The following SLC13A3 variants were observed in gnomAD, a reference collection of about 807,000 sequenced individuals.
The protein encoded by SLC13A3 is Na(+)/dicarboxylate cotransporter 3.
In SLC13A3, 40 loss-of-function variants were observed where a neutral mutation model predicts 59.0. The ratio of observed to expected loss-of-function variants is 0.68; its 90% CI spans 0.53 to 0.88. SLC13A3 has a LOEUF of 0.88. SLC13A3 is among the 40% of genes least tolerant of loss of function. The probability of loss-of-function intolerance (pLI) is 0.00; values close to 1 mark genes in which losing one functional copy is unlikely to be tolerated. For missense variants in SLC13A3, 699 were observed against 783.2 expected, an observed-to-expected ratio of 0.89 and a Z score of 1.28; for synonymous variants, 317 against 330.3, an observed-to-expected ratio of 0.96 and a Z score of 0.44.
At chr20:46,604,606 G>A (rs1450860089) in intron 3 of SLC13A3, among the ~76,000 whole-genome samples, 1 of 152,108 alleles carries the variant, frequency 6.6e-6, no homozygotes, top group African/African-American at 2.4e-5. Context: ...GTACACCGTT[G>A]GTACCATGAG....
At chr20:46,675,255 A>G (rs536400833) in intron 1 of SLC13A3, among the ~76,000 whole-genome samples, 1 of 151,546 alleles carries the variant, frequency 6.6e-6, no homozygotes, top group African/African-American at 2.4e-5. Flanking sequence ...TAGGAGATGG[A>G]GTCTCACTCT....
chr20:46,668,636 C>T (rs2063074148), intron 1 of SLC13A3, among the ~76,000 whole-genome samples: 1 of 152,190 alleles, frequency 6.6e-6, no homozygotes, highest in African/African-American at 2.4e-5. Context: ...AAGCTAAGGT[C>T]ATTGATGAAG....
At chr20:46,630,355 A>G (rs1156553535) in intron 1 of SLC13A3, among the ~76,000 whole-genome samples, 1 of 152,204 alleles carries the variant, frequency 6.6e-6, no homozygotes, top group Non-Finnish European at 1.5e-5. Flanking sequence ...GTACTGTCAC[A>G]TACATCTCAG....
intron 8 of SLC13A3, chr20:46,584,381 A>C: frequency 1.0e-6 from 1 of 985,402 alleles, no homozygotes; most frequent in East Asian, 1.1e-4. Context: ...GACACAATTC[A>C]ATAAGGAATT....
chr20:46,590,515 C>T (rs1421325483), intron 6 of SLC13A3, among the ~76,000 whole-genome samples: 1 of 152,034 alleles, frequency 6.6e-6, no homozygotes, highest in Non-Finnish European at 1.5e-5. Context: ...AAAATATGAA[C>T]ACACAGTTTC....
intron 1 of SLC13A3, among the ~76,000 whole-genome samples, chr20:46,646,636 C>G (rs1445815277): frequency 6.6e-6 from 1 of 152,174 alleles, no homozygotes; most frequent in Non-Finnish European, 1.5e-5. Flanking sequence ...CAGGTTTTCT[C>G]AACTCTAAAG....
At chr20:46,656,285 CTGTATATAATATACTATACAGTAT>C (rs2062990328), upstream of SLC13A3, among the ~76,000 whole-genome samples, 1 of 75,532 alleles carries the variant, frequency 1.3e-5, no homozygotes, top group African/African-American at 3.5e-5. Context: ...ATATATTATA[CTGTATATAATATACTATACAGTAT>C]ATATTATACT....
intron 1 of SLC13A3, among the ~76,000 whole-genome samples, chr20:46,620,406 AT>A (rs2062602851): frequency 6.6e-6 from 1 of 152,236 alleles, no homozygotes; most frequent in Non-Finnish European, 1.5e-5. Flanking sequence ...TCTGAACAGA[AT>A]CTAGTTTGAG....
At chr20:46,643,510 T>G (rs1754982558) in intron 1 of SLC13A3, among the ~76,000 whole-genome samples, 1 of 151,954 alleles carries the variant, frequency 6.6e-6, no homozygotes. Context: ...TAAGGAGCAG[T>G]AAGAAAGCCA....
chr20:46,570,713 A>G (rs1477553539), intron 10 of SLC13A3, among the ~76,000 whole-genome samples: 1 of 152,222 alleles, frequency 6.6e-6, no homozygotes, highest in Non-Finnish European at 1.5e-5. Context: ...CGTATGTCGA[A>G]TCGTTGTGAA....
chr20:46,626,765 A>G (rs567696178), intron 1 of SLC13A3, among the ~76,000 whole-genome samples: 1 of 137,732 alleles, frequency 7.3e-6, no homozygotes, highest in African/African-American at 2.7e-5. Flanking sequence ...GGGGACTTGG[A>G]GGCAGGGACT....
chr20:46,616,081 T>C (rs1258368329), intron 1 of SLC13A3, among the ~76,000 whole-genome samples: 1 of 152,128 alleles, frequency 6.6e-6, no homozygotes, highest in East Asian at 1.9e-4. Context: ...AAAAGAATAA[T>C]ACAGAATCAA....
At position 46,596,312 on chromosome 20, in the gene SLC13A3, T is replaced by C. The variant is rs779149350; in HGVS notation, c.639A>G (p.Pro213=). The change falls in exon 5 of 13, where the codon CCA becomes CCG. Residue 213 remains proline, a synonymous_variant. Transcript: ENST00000279027. ...TCCTGGAGTCAGCCGGCAGATCCAG[T>C]GGAACCTCTGTCTCCCCAGGGTGGT... ...AKDHPGETEV[P]LDLPADSRKE... 7.4e-6 allele frequency: 12 copies of C among 1,614,070 alleles called. No homozygotes were observed. The highest frequency in any genetic ancestry group is 1.1e-5 in the South Asian group (1 of 91,082).
chr20:46,655,270 T>C (rs2062976772), upstream of SLC13A3, among the ~76,000 whole-genome samples: 1 of 134,576 alleles, frequency 7.4e-6, no homozygotes, highest in Admixed American at 7.8e-5. Flanking sequence ...TACACATATG[T>C]ATACACATAT....
At chr20:46,579,047 A>T (rs758815626) in intron 9 of SLC13A3, among the ~76,000 whole-genome samples, 4 of 152,346 alleles carry the variant, frequency 2.6e-5, no homozygotes, top group Middle Eastern at 3.4e-3. Flanking sequence ...TGGGGTGAGT[A>T]TAAGAAGAAA....
upstream of SLC13A3, among the ~76,000 whole-genome samples, chr20:46,652,547 A>ATTT (rs11471373): frequency 9.4e-3 from 1,106 of 117,778 alleles, 11 homozygotes; most frequent in African/African-American, 0.031. Flanking sequence ...TATCTGGCTA[A>ATTT]TTTTTTTTTT....
At chr20:46,574,529 C>T (rs1007342906) in intron 10 of SLC13A3, among the ~76,000 whole-genome samples, 4 of 152,164 alleles carry the variant, frequency 2.6e-5, no homozygotes, top group African/African-American at 9.7e-5. Context: ...GCCTCATTTG[C>T]CCCACCCTGG....
At chr20:46,561,145 A>G (rs1350758938) in intron 12 of SLC13A3, among the ~76,000 whole-genome samples, 2 of 152,212 alleles carry the variant, frequency 1.3e-5, no homozygotes, top group Admixed American at 6.5e-5. Flanking sequence ...TCAGAGACTC[A>G]AAATAATGCA....
chr20:46,630,914 A>G (rs757708984), intron 1 of SLC13A3, among the ~76,000 whole-genome samples: 101 of 152,210 alleles, frequency 6.6e-4, no homozygotes, highest in Admixed American at 1.6e-3. Context: ...TGATCATACC[A>G]TCTCCCTTGG....
Sources: allele counts gnomAD v4.1 joint callset (sites outside exome capture counted in the v4.1 genomes callset), GRCh38; gene constraint gnomAD v4.1.1; transcripts MANE v1.5; gene names NCBI Gene and HGNC (gene_info 2026-07-23, HGNC 2026-07-21).